Variants in PCDH15 observed in about 807,000 individuals in gnomAD.
PCDH15 encodes the protein protocadherin-15.
Under a neutral mutation model 178.5 loss-of-function variants are expected in PCDH15, and 129 were observed. That is an observed-to-expected ratio of 0.72 (90% CI 0.63 to 0.84). PCDH15 has a LOEUF of 0.84. Ranked by LOEUF, PCDH15 falls within the 40% of genes least tolerant of loss-of-function variation. The pLI is 0.00. For missense variants in PCDH15, 2,230 were observed against 2,099.9 expected (o/e 1.06, Z -1.21); for synonymous variants, 800 against 732.0 (o/e 1.09, Z -1.50).
chr10:54,843,349 C>T (rs1015506276), intron 3 of PCDH15, among the ~76,000 whole-genome samples: 6 of 151,884 alleles, frequency 4.0e-5, no homozygotes, highest in Admixed American at 6.6e-5. Context: ...AATCTAATGC[C>T]GCCAGACTTC....
intron 1 of PCDH15, among the ~76,000 whole-genome samples, chr10:55,209,431 G>A (rs1285440436): frequency 6.6e-6 from 1 of 152,070 alleles, no homozygotes; most frequent in Non-Finnish European, 1.5e-5. Flanking sequence ...GATACAAGGA[G>A]ACAAGTAAGG....
intron 1 of PCDH15, among the ~76,000 whole-genome samples, chr10:55,257,866 C>A (rs539959930): frequency 3.0e-4 from 46 of 152,172 alleles, no homozygotes; most frequent in Non-Finnish European, 5.0e-4. Context: ...TCAGGAAATA[C>A]AGAGAATGCC....
At chr10:53,982,758 C>A (rs1203429499) in intron 21 of PCDH15, among the ~76,000 whole-genome samples, 1 of 151,276 alleles carries the variant, frequency 6.6e-6, no homozygotes, top group East Asian at 1.9e-4. Flanking sequence ...CAGCATGGCA[C>A]ATGTATACAT....
In PCDH15 at chr10:55,042,725, C is replaced by T. The variant is rs910141977; in HGVS notation, c.-80+123851G>A. Among the ~76,000 whole-genome samples the T allele has an allele frequency of 2.0e-4, 30 of 152,196 alleles. No individual in the cohort carries two copies. In the South Asian group the frequency reaches 6.0e-3, roughly 30 times the overall value. On this transcript the variant is annotated intron_variant, in intron 2 of 5. Coordinates refer to the PCDH15 transcript ENST00000458638. ...CAGTGAATTTATGCACAGGCACTAA[C>T]TGGATAAGAAAATGTAGTGCTGGAT...
At chr10:54,981,577 G>A (rs190771329) in intron 2 of PCDH15, among the ~76,000 whole-genome samples, 6 of 152,232 alleles carry the variant, frequency 3.9e-5, no homozygotes, top group East Asian at 3.9e-4. Context: ...AGATAATAAC[G>A]AAGAGATTTA....
At chr10:54,953,538 G>C (rs1163103607) in intron 2 of PCDH15, among the ~76,000 whole-genome samples, 1 of 151,304 alleles carries the variant, frequency 6.6e-6, no homozygotes, top group African/African-American at 2.4e-5. Context: ...TATTGCTATA[G>C]TTGATACCTG....
At chr10:54,634,982 T>A (rs2093809140) in intron 2 of PCDH15, among the ~76,000 whole-genome samples, 1 of 151,804 alleles carries the variant, frequency 6.6e-6, no homozygotes, top group Non-Finnish European at 1.5e-5. Context: ...AAGGCTCAGA[T>A]GTATGATTTA....
chr10:54,170,229 G>A (rs1008972429), intron 13 of PCDH15, among the ~76,000 whole-genome samples: 13 of 146,296 alleles, frequency 8.9e-5, no homozygotes, highest in African/African-American at 2.9e-4. Flanking sequence ...CCTGCCAATC[G>A]TGTCCGACTG....
intron 3 of PCDH15, among the ~76,000 whole-genome samples, chr10:54,446,744 C>A (rs116595044): frequency 0.014 from 2,054 of 151,306 alleles, 36 homozygotes; most frequent in African/African-American, 0.039. Context: ...ATTTTTAGTG[C>A]CTGAGATTTA....
At chr10:53,934,738 G>A (rs1384885768) in intron 25 of PCDH15, among the ~76,000 whole-genome samples, 2 of 152,096 alleles carry the variant, frequency 1.3e-5, no homozygotes, top group East Asian at 1.9e-4. Context: ...GGCTAGGCCT[G>A]TTAAAATTAC....
chr10:54,290,745 C>A (rs1157267861), intron 8 of PCDH15, among the ~76,000 whole-genome samples: 3 of 152,120 alleles, frequency 2.0e-5, no homozygotes, highest in Middle Eastern at 3.2e-3. Context: ...GGGTTGCAAT[C>A]TTAGTCTCTG....
At chr10:54,764,445 T>C (rs1948263865) in intron 1 of PCDH15, among the ~76,000 whole-genome samples, 1 of 151,432 alleles carries the variant, frequency 6.6e-6, no homozygotes, top group Non-Finnish European at 1.5e-5. Flanking sequence ...TAGCTGGGAG[T>C]AAGAAAATAA....
intron 3 of PCDH15, among the ~76,000 whole-genome samples, chr10:54,526,765 A>G (rs2083400967): frequency 6.6e-6 from 1 of 152,198 alleles, no homozygotes; most frequent in African/African-American, 2.4e-5. Flanking sequence ...TTTCTGAGTG[A>G]TTTCACAGAA....
At chr10:55,592,792 T>C (rs1420389943) in intron 2 of PCDH15, among the ~76,000 whole-genome samples, 1 of 152,162 alleles carries the variant, frequency 6.6e-6, no homozygotes, top group Non-Finnish European at 1.5e-5. Context: ...TATTTAATTA[T>C]GTAATATATT....
At chr10:53,890,861 C>T (rs922255566) in intron 26 of PCDH15, among the ~76,000 whole-genome samples, 1 of 152,154 alleles carries the variant, frequency 6.6e-6, no homozygotes, top group Non-Finnish European at 1.5e-5. Context: ...TCTCTTTATG[C>T]ATAAAATCTC....
chr10:55,150,046 G>C (rs1354037937), intron 2 of PCDH15, among the ~76,000 whole-genome samples: 2 of 148,236 alleles, frequency 1.3e-5, no homozygotes, highest in Non-Finnish European at 3.0e-5. Flanking sequence ...GAAGAGAAGA[G>C]AGAGAGAGAA....
intron 2 of PCDH15, among the ~76,000 whole-genome samples, chr10:54,557,118 A>T (rs1035516515): frequency 5.3e-5 from 8 of 152,194 alleles, no homozygotes; most frequent in Admixed American, 1.3e-4. Flanking sequence ...CAACAGCCAG[A>T]CTAGTGGGTA....
Position 54,132,840 on chromosome 10 carries a change from TAC to T in PCDH15, c.1917+33_1917+34del, listed in dbSNP as rs5785040. 0.036 allele frequency: 49,579 copies of T among 1,371,676 alleles called. 795 individuals carry two copies. Among genetic ancestry groups the T allele is most frequent in the African/African-American group, 0.097 (6,703 of 68,894 alleles). The allele number at this position is 1,371,676 out of a possible 1,614,324, so 85.0% of individuals were successfully genotyped here. A position where few individuals can be genotyped will look rare whatever the true frequency, so the allele number is the denominator to read the frequency against. On this transcript the variant is annotated intron_variant, in intron 15 of 37. Transcript: ENST00000644397. ...GCCAAGCTTGTCACTTTAGAATTTATACACACACACACACACACACACCAAGG... is the reference window on the plus strand; with the variant it reads ...GCCAAGCTTGTCACTTTAGAATTTATACACACACACACACACACACCAAGG...
At chr10:53,883,174 C>T (rs4935476) in intron 26 of PCDH15, among the ~76,000 whole-genome samples, 1 of 151,712 alleles carries the variant, frequency 6.6e-6, no homozygotes, top group African/African-American at 2.4e-5. Flanking sequence ...TATGCATACA[C>T]ATACATATGT....
Sources: gnomAD v4.1 joint callset for allele counts (sites outside exome capture counted in the v4.1 genomes callset) on GRCh38, gnomAD v4.1.1 for gene constraint, MANE v1.5 for transcripts, NCBI Gene and HGNC (gene_info 2026-07-23, HGNC 2026-07-21) for gene names.